Variants in YAF2 observed in about 807,000 individuals in gnomAD.
YAF2 encodes YY1-associated factor 2.
In YAF2, 7 loss-of-function variants were observed where a neutral mutation model predicts 20.1. That is an observed-to-expected ratio of 0.35 (90% CI 0.20 to 0.65). YAF2 has a LOEUF of 0.65. Ranked by LOEUF, YAF2 falls within the 30% of genes least tolerant of loss-of-function variation. The probability of loss-of-function intolerance (pLI) is 0.69; values close to 1 mark genes in which losing one functional copy is unlikely to be tolerated. For synonymous variants in YAF2, 74 were observed against 76.0 expected, an observed-to-expected ratio of 0.97 and a Z score of 0.14; for missense variants, 151 against 219.2, an observed-to-expected ratio of 0.69 and a Z score of 1.96.
At chr12:42,221,555 T>C (rs1326137211) in intron 2 of YAF2, among the ~76,000 whole-genome samples, 4 of 152,132 alleles carry the variant, frequency 2.6e-5, no homozygotes, top group Admixed American at 6.5e-5. Context: ...CAAGACTCTA[T>C]CTCTTTAAAA....
chr12:42,232,069 T>C (rs2067998980), intron 2 of YAF2: 1 of 152,216 alleles, frequency 6.6e-6, no homozygotes, highest in African/African-American at 2.4e-5. Flanking sequence ...GTGCTTTATG[T>C]GTAGTTCCCA....
At chr12:42,216,285 T>C (rs189980201) in intron 2 of YAF2, among the ~76,000 whole-genome samples, 17 of 152,274 alleles carry the variant, frequency 1.1e-4, no homozygotes, top group African/African-American at 3.8e-4. Flanking sequence ...ATTATCTTGT[T>C]ACAACTTAAA....
Position 42,237,636 on chromosome 12 carries a change from A to C in YAF2, c.115T>G (p.Cys39Gly). Residue 39 changes from cysteine (C) to glycine (G), a missense_variant, in exon 2 of 4, where the codon TGC becomes GGC. Transcript: ENST00000534854. ...TFRNSAEAFK[C>G]MMCDVRKGTS... ...CCCTTCCGCACATCGCACATCATGC[A>C]CTTGAAGGCCTCGGCGCTGTTCCGG... 6.4e-7 allele frequency: 1 copy of C among 1,568,204 alleles called. No homozygotes were observed. Among genetic ancestry groups the C allele is most frequent in the Non-Finnish European group, 8.6e-7 (1 of 1,157,988 alleles).
intron 2 of YAF2, among the ~76,000 whole-genome samples, chr12:42,179,284 A>G (rs1391217973): frequency 6.6e-6 from 1 of 152,200 alleles, no homozygotes; most frequent in East Asian, 1.9e-4. Context: ...AGCCTGGCCA[A>G]CGTGGTGAAA....
At chr12:42,232,861 G>A in intron 2 of YAF2, 1 of 985,130 alleles carries the variant, frequency 1.0e-6, no homozygotes, top group South Asian at 4.7e-5. Context: ...TAATAATACT[G>A]TGTTCAGTTA....
intron 2 of YAF2, among the ~76,000 whole-genome samples, chr12:42,211,742 CAAAAA>C (rs1173533325): frequency 2.4e-5 from 1 of 42,394 alleles, no homozygotes; most frequent in Non-Finnish European, 5.1e-5. Context: ...AGACTCTGTC[CAAAAA>C]AAAAAAAAAA....
chr12:42,234,723 C>T (rs1030886340), intron 2 of YAF2: 2 of 984,328 alleles, frequency 2.0e-6, no homozygotes, highest in Non-Finnish European at 2.4e-6. Flanking sequence ...AATGGTGGCT[C>T]ATTCCTATAA....
At chr12:42,230,979 A>G (rs2067969118) in intron 2 of YAF2, among the ~76,000 whole-genome samples, 1 of 151,902 alleles carries the variant, frequency 6.6e-6, no homozygotes, top group Non-Finnish European at 1.5e-5. Flanking sequence ...TCACACTATA[A>G]AGGAAATAAA....
intron 2 of YAF2, among the ~76,000 whole-genome samples, chr12:42,229,324 T>A (rs1241774612): frequency 7.3e-6 from 1 of 136,422 alleles, no homozygotes; most frequent in Non-Finnish European, 1.6e-5. Flanking sequence ...CTTTGTTCAC[T>A]TGTTTATCTG....
chr12:42,175,908 G>A (rs2066177890), intron 2 of YAF2, among the ~76,000 whole-genome samples: 1 of 151,860 alleles, frequency 6.6e-6, no homozygotes, highest in Non-Finnish European at 1.5e-5. Context: ...CAGCCCCAAT[G>A]TCTCCCATAA....
intron 2 of YAF2, among the ~76,000 whole-genome samples, chr12:42,194,695 TG>T (rs2066705017): frequency 6.6e-6 from 1 of 152,216 alleles, no homozygotes; most frequent in Non-Finnish European, 1.5e-5. Flanking sequence ...AAAAATTTTT[TG>T]GTGTTGTACA....
At chr12:42,215,852 G>T (rs2067339202) in intron 2 of YAF2, among the ~76,000 whole-genome samples, 1 of 151,998 alleles carries the variant, frequency 6.6e-6, no homozygotes, top group Admixed American at 6.6e-5. Context: ...AAACCAGGAG[G>T]CAGAGGTTGC....
intron 2 of YAF2, chr12:42,236,109 T>C: frequency 7.1e-7 from 1 of 1,399,872 alleles, no homozygotes; most frequent in Non-Finnish European, 9.4e-7. Context: ...ATCAAGATTA[T>C]AATTGTTTCC....
intron 2 of YAF2, among the ~76,000 whole-genome samples, chr12:42,221,229 A>G (rs1249806184): frequency 1.3e-5 from 2 of 152,192 alleles, no homozygotes; most frequent in East Asian, 3.9e-4. Flanking sequence ...AATCTTTAAG[A>G]AGTTACTTGC....
At chr12:42,229,905 G>A (rs2067926713) in intron 2 of YAF2, among the ~76,000 whole-genome samples, 1 of 152,222 alleles carries the variant, frequency 6.6e-6, no homozygotes. Context: ...GTGCATGACT[G>A]ACTCTACATA....
intron 1 of YAF2, 129 bp from the exon 2 acceptor site, chr12:42,237,853 G>T: frequency 2.6e-6 from 2 of 778,006 alleles, no homozygotes; most frequent in Non-Finnish European, 3.0e-6. Flanking sequence ...GCGGGCCCTC[G>T]GCGCGCCGCG....
intron 2 of YAF2, among the ~76,000 whole-genome samples, chr12:42,201,736 T>TA (rs555868341): frequency 6.4e-4 from 98 of 152,266 alleles, no homozygotes; most frequent in Non-Finnish European, 2.8e-4. Context: ...CACGCCTGGC[T>TA]AATTTTTGTA....
At chr12:42,161,398 A>C (rs1253079558) in intron 3 of YAF2, 10 of 430,110 alleles carry the variant, frequency 2.3e-5, no homozygotes, top group Non-Finnish European at 3.4e-5. Flanking sequence ...AATCTCGTAA[A>C]AAGAAAAAAG....
chr12:42,238,111 C>T, intron 1 of YAF2, 44 bp downstream of exon 1: 1 of 1,462,950 alleles, frequency 6.8e-7, no homozygotes, highest in Non-Finnish European at 9.1e-7. Flanking sequence ...CACGAGGGCC[C>T]TGCCGCCCGC....
Sources: gnomAD v4.1 joint callset for allele counts (sites outside exome capture counted in the v4.1 genomes callset) on GRCh38, gnomAD v4.1.1 for gene constraint, MANE v1.5 for transcripts, NCBI Gene and HGNC (gene_info 2026-07-23, HGNC 2026-07-21) for gene names.